The following PDE11A variants were observed in gnomAD, a reference collection of about 807,000 sequenced individuals.
The protein encoded by PDE11A is phosphodiesterase 11A.
A neutral mutation model predicts 100.5 loss-of-function variants in PDE11A; 100 were observed. The ratio of observed to expected loss-of-function variants is 1.00; its 90% CI spans 0.85 to 1.18. The LOEUF (loss-of-function observed/expected upper bound fraction) is 1.18. PDE11A is among the 50% of genes most tolerant of loss of function. The probability of loss-of-function intolerance (pLI) is 0.00; values close to 1 mark genes in which losing one functional copy is unlikely to be tolerated. For synonymous variants in PDE11A, 381 were observed against 420.8 expected, an observed-to-expected ratio of 0.91 and a Z score of 1.16; for missense variants, 1,141 against 1,152.6, an observed-to-expected ratio of 0.99 and a Z score of 0.15.
intron 12 of PDE11A, 60 bp downstream of exon 12, chr2:177,727,598 G>A: frequency 2.1e-6 from 2 of 968,512 alleles, no homozygotes; most frequent in Non-Finnish European, 3.4e-6. Context: ...ATGTAAAGGA[G>A]AAGGCCTGCC....
At chr2:177,921,488 A>T (rs2085045641) in intron 2 of PDE11A, among the ~76,000 whole-genome samples, 1 of 150,198 alleles carries the variant, frequency 6.7e-6, no homozygotes, top group South Asian at 2.1e-4. Flanking sequence ...AAAAAAAGAA[A>T]AAAAACATGT....
chr2:178,090,461 C>T (rs2087409028), intron 2 of PDE11A, among the ~76,000 whole-genome samples: 1 of 152,054 alleles, frequency 6.6e-6, no homozygotes, highest in African/African-American at 2.4e-5. Context: ...AATATTTCTC[C>T]ATTTCTACCC....
Position 177,663,949 on chromosome 2 carries a change from C to T in PDE11A, c.2563G>A (p.Ala855Thr), listed in dbSNP as rs772883355. ...ERLELKLTPS[A>T]IFDRNRKDEL... Reference sequence around the variant, plus strand: ...TCCTTCCGGTTCCGATCAAAAATTGCCTAGAATGGGGGGCAGGAAGAACCT... The same window carrying T: ...TCCTTCCGGTTCCGATCAAAAATTGTCTAGAATGGGGGGCAGGAAGAACCT... Residue 855 changes from alanine to threonine, a missense_variant and splice_region_variant, in exon 19 of 20, where the codon GCA becomes ACA. By Grantham distance (58) the Ala-to-Thr change is moderately conservative (BLOSUM62 0). Transcript: ENST00000286063. The T allele has an allele frequency of 6.2e-7, 1 of 1,605,862 alleles. No homozygotes were observed. Among genetic ancestry groups the T allele is most frequent in the Non-Finnish European group, 8.5e-7 (1 of 1,172,566 alleles).
intron 19 of PDE11A, among the ~76,000 whole-genome samples, chr2:177,655,655 C>T (rs1209623116): frequency 6.6e-6 from 1 of 152,164 alleles, no homozygotes; most frequent in Non-Finnish European, 1.5e-5. Flanking sequence ...CCTCCCACCA[C>T]AGACTCCCAA....
chr2:177,861,192 T>G (rs1595442), intron 5 of PDE11A, among the ~76,000 whole-genome samples: 43,835 of 151,632 alleles, frequency 0.29, 6,504 homozygotes, highest in Middle Eastern at 0.37. Context: ...CAGATAATTT[T>G]AAGGAATTCA....
intron 10 of PDE11A, among the ~76,000 whole-genome samples, chr2:177,760,365 C>T (rs1232444269): frequency 6.6e-6 from 1 of 152,078 alleles, no homozygotes; most frequent in Non-Finnish European, 1.5e-5. Context: ...CACACATCTT[C>T]CTCATGAGTA....
At chr2:177,870,178 G>C (rs908405800) in intron 5 of PDE11A, among the ~76,000 whole-genome samples, 4 of 152,164 alleles carry the variant, frequency 2.6e-5, no homozygotes, top group African/African-American at 9.7e-5. Flanking sequence ...ATCTTCTTGA[G>C]AGTTTCTTCC....
rs1241068422 is a variant in PDE11A at position 178,071,929 on chromosome 2, TG to T, written c.508del (p.His170IlefsTer11). 3 of 1,614,050 alleles carry T rather than the reference TG, an allele frequency of 1.9e-6. No homozygotes were observed. The Admixed American group carries it at 5.0e-5, about 27-fold the overall frequency. ...KASSLPPTTA[H>X]ILSALLESRV... is the part of the protein sequence containing the mutation. ...CGATTCCAGCAGCGCACTGAGAATA[TG>T]GGCTGTGGTGGGGGGCAGGGAGCTT... On this transcript the variant is annotated frameshift_variant, in exon 1 of 20. Coordinates refer to ENST00000286063, the MANE Select transcript of PDE11A (RefSeq NM_016953.4). LOFTEE classifies it high-confidence loss of function.
chr2:177,721,340 C>G (rs919181628), intron 12 of PDE11A, among the ~76,000 whole-genome samples: 5 of 152,080 alleles, frequency 3.3e-5, no homozygotes, highest in Non-Finnish European at 7.4e-5. Flanking sequence ...TCTGTCAACA[C>G]TATTTCATTC....
At chr2:177,854,646 C>T (rs1254689250) in intron 5 of PDE11A, among the ~76,000 whole-genome samples, 1 of 152,094 alleles carries the variant, frequency 6.6e-6, no homozygotes, top group Non-Finnish European at 1.5e-5. Flanking sequence ...CAACTTCATA[C>T]ACTCCGCATA....
chr2:177,686,690 C>T (rs1182234489), intron 15 of PDE11A: 1 of 138,084 alleles, frequency 7.2e-6, no homozygotes, highest in Non-Finnish European at 1.6e-5. Flanking sequence ...AACCAAAGTA[C>T]ATGTAAATTT....
chr2:177,699,984 C>T (rs1197203728), intron 14 of PDE11A, among the ~76,000 whole-genome samples: 4 of 152,176 alleles, frequency 2.6e-5, no homozygotes, highest in Non-Finnish European at 5.9e-5. Flanking sequence ...TACTCATCAC[C>T]TTTACCAACA....
chr2:177,942,404 T>TTA (rs1553492180), intron 2 of PDE11A, among the ~76,000 whole-genome samples: 1 of 24,196 alleles, frequency 4.1e-5, no homozygotes, highest in African/African-American at 1.4e-4. Context: ...TTTTTTAAAA[T>TTA]TATTTTTTTT....
At chr2:177,742,281 T>C (rs1209118308) in intron 10 of PDE11A, among the ~76,000 whole-genome samples, 1 of 151,998 alleles carries the variant, frequency 6.6e-6, no homozygotes, top group African/African-American at 2.4e-5. Context: ...CAGGAAAGAT[T>C]TTCCCTTCTC....
At chr2:177,718,707 C>T (rs1375696424) in intron 12 of PDE11A, among the ~76,000 whole-genome samples, 3 of 152,148 alleles carry the variant, frequency 2.0e-5, no homozygotes, top group Non-Finnish European at 2.9e-5. Context: ...AGTGGAATTA[C>T]AGTTGGCTTA....
At chr2:177,962,121 C>T (rs2085642218) in intron 2 of PDE11A, among the ~76,000 whole-genome samples, 1 of 146,668 alleles carries the variant, frequency 6.8e-6, no homozygotes, top group Admixed American at 6.8e-5. Context: ...TCTCACATAT[C>T]TCAGTTTGGG....
intron 2 of PDE11A, among the ~76,000 whole-genome samples, chr2:178,078,762 G>A (rs2087246406): frequency 6.6e-6 from 1 of 152,072 alleles, no homozygotes; most frequent in Admixed American, 6.6e-5. Context: ...GTAGAATATG[G>A]ATAAATTCAA....
chr2:177,678,122 A>T (rs1187858365), intron 16 of PDE11A, among the ~76,000 whole-genome samples: 1 of 152,230 alleles, frequency 6.6e-6, no homozygotes, highest in African/African-American at 2.4e-5. Context: ...CCCACGAATG[A>T]TCACATAAAA....
rs539692734 is a variant in PDE11A at position 177,997,684 on chromosome 2, G to A, written c.1071+16618C>T. 115 of 1,552,882 alleles carry A rather than the reference G, an allele frequency of 7.4e-5. No individual in the cohort carries two copies. In the African/African-American group the frequency reaches 1.3e-3, roughly 18 times the overall value. On this transcript the variant is annotated intron_variant, in intron 2 of 19. Coordinates refer to ENST00000286063, the MANE Select transcript of PDE11A (RefSeq NM_016953.4). ...TTTGAGTTTTTCTGCATTCAGTTTG[G>A]CTGTTAAGAAATCTGGAAGTTTTTG... is the stretch of plus-strand genomic sequence containing the variant.
Sources: gnomAD v4.1 joint callset for allele counts (sites outside exome capture counted in the v4.1 genomes callset) on GRCh38, gnomAD v4.1.1 for gene constraint, MANE v1.5 for transcripts, NCBI Gene and HGNC (gene_info 2026-07-23, HGNC 2026-07-21) for gene names.